SEPTIN2: variants seen among roughly 807,000 people sequenced by gnomAD.
SEPTIN2 encodes the protein septin-2.
SEPTIN2 carries 34 observed loss-of-function variants against 46.5 expected under a neutral mutation model. The ratio of observed to expected loss-of-function variants is 0.73; its 90% CI spans 0.56 to 0.97. The LOEUF (loss-of-function observed/expected upper bound fraction) is 0.97. SEPTIN2 is among the 50% of genes least tolerant of loss of function. The pLI, the probability that SEPTIN2 is intolerant of heterozygous loss-of-function variation, is 0.00. For synonymous variants in SEPTIN2, 175 were observed against 153.4 expected, an observed-to-expected ratio of 1.14 and a Z score of -1.04; for missense variants, 347 against 448.4, an observed-to-expected ratio of 0.77 and a Z score of 2.04.
chr2:241,347,331 C>T (rs191327227), intron 10 of SEPTIN2, among the ~76,000 whole-genome samples: 1 of 152,258 alleles, frequency 6.6e-6, no homozygotes, highest in East Asian at 1.9e-4. Flanking sequence ...ATGTTGTACA[C>T]ATTGAAGTCT....
chr2:241,330,991 A>G (rs976113472), intron 3 of SEPTIN2, among the ~76,000 whole-genome samples: 1 of 152,192 alleles, frequency 6.6e-6, no homozygotes, highest in African/African-American at 2.4e-5. Flanking sequence ...CCAACATGGT[A>G]AAACTTCATC....
rs186677246 is a variant in SEPTIN2 at position 241,329,422 on chromosome 2, A to T, written c.130+3309A>T. Among the ~76,000 whole-genome samples, 179 of 152,306 alleles carry T rather than the reference A, an allele frequency of 1.2e-3. 1 individual carries two copies. Among genetic ancestry groups the T allele is most frequent in the African/African-American group, 3.9e-3 (162 of 41,554 alleles). ...GGATTAATATAAATCTTACACAGACATCTTCATGAAATAGATGAGTAGGAA... is the reference window on the plus strand; with the variant it reads ...GGATTAATATAAATCTTACACAGACTTCTTCATGAAATAGATGAGTAGGAA... On this transcript the variant is annotated intron_variant, in intron 3 of 12. Coordinates refer to ENST00000391971, the MANE Select transcript of SEPTIN2 (RefSeq NM_004404.5).
intron 7 of SEPTIN2, among the ~76,000 whole-genome samples, chr2:241,341,199 T>C (rs2081218848): frequency 6.6e-6 from 1 of 152,220 alleles, no homozygotes; most frequent in African/African-American, 2.4e-5. Flanking sequence ...GATTTGCCCT[T>C]CCAGGTATCT....
chr2:241,343,772 G>A lies in SEPTIN2; in HGVS notation c.717G>A (p.Val239=), dbSNP rs748224784. Residue 239 remains valine, a synonymous_variant, in exon 9 of 13, where the codon GTG becomes GTA. Coordinates refer to ENST00000391971, the MANE Select transcript of SEPTIN2 (RefSeq NM_004404.5). ...TCTAGGCTAGCATCCCATTCTCTGT[G>A]GTTGGATCCAATCAGTTGATTGAAG... ...RLLKASIPFS[V]VGSNQLIEAK... 6.2e-7 allele frequency: 1 copy of A among 1,614,152 alleles called. No homozygotes were observed. Among genetic ancestry groups the A allele is most frequent in the Non-Finnish European group, 8.5e-7 (1 of 1,180,014 alleles).
chr2:241,320,738 G>C (rs1044783297), intron 1 of SEPTIN2, among the ~76,000 whole-genome samples: 1 of 152,150 alleles, frequency 6.6e-6, no homozygotes, highest in African/African-American at 2.4e-5. Context: ...GTAGTGAGCT[G>C]AGATCGCGCC....
chr2:241,328,007 C>T (rs978284935), intron 3 of SEPTIN2, among the ~76,000 whole-genome samples: 2 of 151,998 alleles, frequency 1.3e-5, no homozygotes, highest in East Asian at 1.9e-4. Flanking sequence ...GAGCTGTCAT[C>T]GTGCCACTGC....
At chr2:241,336,598 G>C (rs930995125) in intron 5 of SEPTIN2, among the ~76,000 whole-genome samples, 10 of 152,172 alleles carry the variant, frequency 6.6e-5, no homozygotes, top group Non-Finnish European at 1.5e-4. Context: ...TAAAGCATCA[G>C]GTTTCCACCA....
At chr2:241,324,358 C>T in intron 2 of SEPTIN2, 117 bp downstream of exon 2, 2 of 762,358 alleles carry the variant, frequency 2.6e-6, no homozygotes, top group South Asian at 1.6e-5. Context: ...ACATTTGATT[C>T]ATTAACACAA....
chr2:241,321,656 AC>A (rs1343184001), intron 1 of SEPTIN2, among the ~76,000 whole-genome samples: 4 of 152,114 alleles, frequency 2.6e-5, no homozygotes, highest in Non-Finnish European at 5.9e-5. Flanking sequence ...TATACTGATA[AC>A]TGATATTCTT....
chr2:241,336,196 C>T, intron 5 of SEPTIN2, 98 bp downstream of exon 5: 1 of 1,251,986 alleles, frequency 8.0e-7, no homozygotes, highest in Non-Finnish European at 1.1e-6. Flanking sequence ...TTTGGGATTG[C>T]TGTATATAAT....
chr2:241,329,082 G>A (rs1466939890), intron 3 of SEPTIN2, among the ~76,000 whole-genome samples: 4 of 152,066 alleles, frequency 2.6e-5, no homozygotes, highest in Non-Finnish European at 4.4e-5. Flanking sequence ...GGGAGTAGAA[G>A]TAATGTAAAT....
rs752916157 is a variant in SEPTIN2 at position 241,346,220 on chromosome 2, C to T, written c.897C>T (p.Phe299=). Residue 299 remains phenylalanine (F), a synonymous_variant, in exon 10 of 13, where the codon TTC becomes TTT. Transcript: ENST00000391971. ...CCCAGGACCTTCATTATGAAAACTTCCGTTCTGAGAGACTCAAGAGAGGCG... is the reference window on the plus strand; with the variant it reads ...CCCAGGACCTTCATTATGAAAACTTTCGTTCTGAGAGACTCAAGAGAGGCG... The part of the protein sequence containing the change: ...EVTQDLHYEN[F]RSERLKRGGR... 1 of 1,613,892 alleles carries T rather than the reference C, an allele frequency of 6.2e-7. No homozygotes were observed. The highest frequency in any genetic ancestry group is 8.5e-7 in the Non-Finnish European group (1 of 1,179,898).
chr2:241,324,372 G>T, intron 2 of SEPTIN2, 131 bp downstream of exon 2: 13 of 690,398 alleles, frequency 1.9e-5, no homozygotes, highest in Non-Finnish European at 3.2e-5. Context: ...AACACAAAGA[G>T]TTCTAATTTA....
At chr2:241,336,573 C>A (rs2080030209) in intron 5 of SEPTIN2, among the ~76,000 whole-genome samples, 1 of 152,186 alleles carries the variant, frequency 6.6e-6, no homozygotes, top group African/African-American at 2.4e-5. Flanking sequence ...CCTCCTGGTT[C>A]TATTCCTGTC....
intron 7 of SEPTIN2, 54 bp downstream of exon 7, chr2:241,337,844 G>A (rs2080293368): frequency 8.0e-7 from 1 of 1,251,960 alleles, no homozygotes. Flanking sequence ...GGGGCATGGG[G>A]ATGAAGAAAG....
At chr2:241,346,079 T>A in intron 9 of SEPTIN2, 87 bp from the exon 10 acceptor site, 1 of 867,274 alleles carries the variant, frequency 1.2e-6, no homozygotes. Flanking sequence ...TACTGCTATT[T>A]CTTCTATGTA....
Position 241,346,366 on chromosome 2 carries a change from C to T in SEPTIN2, c.926+117C>T, listed in dbSNP as rs2060233231. ...TTAAGCAACATGGTTTGGTTTCCTA[C>T]TCAAAAGTTATTATAAAAGAGTTGT... On this transcript the variant is annotated intron_variant, in intron 10 of 12. Coordinates refer to ENST00000391971, the MANE Select transcript of SEPTIN2 (RefSeq NM_004404.5). The T allele has an allele frequency of 1.3e-5, 8 of 635,044 alleles. No individual in the cohort carries two copies. The Admixed American group carries it at 1.6e-4, about 13-fold the overall frequency. 39.3% of individuals were successfully genotyped at this position (635,044 alleles called of 1,614,324 possible).
At chr2:241,343,369 C>T (rs2081507849) in intron 8 of SEPTIN2, among the ~76,000 whole-genome samples, 2 of 152,002 alleles carry the variant, frequency 1.3e-5, no homozygotes, top group African/African-American at 4.8e-5. Context: ...TGTGGTGGTG[C>T]ACACCTGTAG....
intron 1 of SEPTIN2, 96 bp from the exon 2 acceptor site, chr2:241,324,120 C>T: frequency 8.8e-7 from 1 of 1,134,052 alleles, no homozygotes. Flanking sequence ...ATGTGTAAGT[C>T]TTCTTCAGGT....
Sources: allele counts gnomAD v4.1 joint callset (sites outside exome capture counted in the v4.1 genomes callset), GRCh38; gene constraint gnomAD v4.1.1; transcripts MANE v1.5; gene names NCBI Gene and HGNC (gene_info 2026-07-23, HGNC 2026-07-21).